ECT2L: variants seen among roughly 807,000 people sequenced by gnomAD.
ECT2L encodes the protein epithelial cell transforming 2 like.
A neutral mutation model predicts 122.8 loss-of-function variants in ECT2L; 126 were observed. The observed-to-expected ratio is 1.03, with a 90% confidence interval of 0.89 to 1.19. The LOEUF is 1.19. Ranked by LOEUF, ECT2L falls within the 50% of genes most tolerant of loss-of-function variation. The pLI is 0.00. For synonymous variants in ECT2L, 385 were observed against 381.8 expected (o/e 1.01, Z -0.10); for missense variants, 1,012 against 1,064.1 (o/e 0.95, Z 0.68).
In ECT2L at chr6:138,901,135, C is replaced by T. The variant is rs770542188; in HGVS notation, c.2587+15C>T. The T allele has an allele frequency of 1.2e-6, 2 of 1,611,962 alleles. No individual in the cohort carries two copies. The highest frequency in any genetic ancestry group is 3.3e-5 in the Admixed American group (2 of 59,844). On this transcript the variant is annotated intron_variant, in intron 21 of 21. Coordinates refer to ENST00000541398, the MANE Select transcript of ECT2L (RefSeq NM_001077706.3). ...AGATTCCAAGTGTATGTATTCTTTT[C>T]CTTCCAAGAGACAGATACCTTCAAA... is the stretch of plus-strand genomic sequence containing the variant.
At chr6:138,897,082 T>C (rs1182855267) in intron 20 of ECT2L, among the ~76,000 whole-genome samples, 1 of 152,210 alleles carries the variant, frequency 6.6e-6, no homozygotes, top group East Asian at 1.9e-4. Context: ...AGAATGTACA[T>C]TATAGTAGCT....
chr6:138,858,856 A>C (rs913862053), intron 10 of ECT2L, among the ~76,000 whole-genome samples: 4 of 151,250 alleles, frequency 2.6e-5, no homozygotes, highest in African/African-American at 7.3e-5. Flanking sequence ...CAGGCACACA[A>C]CACCATGCTT....
intron 4 of ECT2L, 46 bp from the exon 5 acceptor site, chr6:138,838,306 A>G: frequency 6.7e-7 from 1 of 1,488,346 alleles, no homozygotes; most frequent in Non-Finnish European, 9.0e-7. Context: ...CTTTTTAGTA[A>G]ATTTTAGACA....
intron 4 of ECT2L, among the ~76,000 whole-genome samples, chr6:138,831,326 CCT>C (rs1389774279): frequency 6.6e-6 from 1 of 152,212 alleles, no homozygotes. Flanking sequence ...TCATCATGCC[CCT>C]GTTTAAAAGT....
chr6:138,855,829 C>T (rs1562476947), intron 10 of ECT2L, among the ~76,000 whole-genome samples: 1 of 151,942 alleles, frequency 6.6e-6, no homozygotes, highest in African/African-American at 2.4e-5. Flanking sequence ...ACTAATATTA[C>T]TTTTATAATA....
At chr6:138,876,639 C>T in intron 14 of ECT2L, 81 bp downstream of exon 14, 1 of 789,144 alleles carries the variant, frequency 1.3e-6, no homozygotes, top group East Asian at 3.2e-5. Flanking sequence ...GTTAGTTCTT[C>T]ATTTTCCTTG....
At position 138,853,881 on chromosome 6, in the gene ECT2L, G is replaced by A. The variant is rs1334266426; in HGVS notation, c.1070-145G>A. 2.3e-5 allele frequency: 19 copies of A among 844,246 alleles called. 1 individual carries two copies. Among genetic ancestry groups the A allele is most frequent in the South Asian group, 6.5e-5 (4 of 61,788 alleles). The allele number at this position is 844,246 out of a possible 1,614,324, so 52.3% of individuals were successfully genotyped here. On this transcript the variant is annotated intron_variant, in intron 9 of 21. Transcript: ENST00000541398. ...CATGGAGATGGCTCCAACATGGTAC[G>A]GGAGGAAGCAGAGATGCCTCAGGTG...
intron 4 of ECT2L, among the ~76,000 whole-genome samples, chr6:138,817,824 T>C (rs1231677087): frequency 1.3e-5 from 2 of 152,238 alleles, no homozygotes; most frequent in East Asian, 3.8e-4. Flanking sequence ...TGGTCTTTCA[T>C]GCCTAGCAAC....
In ECT2L at chr6:138,876,573, A is replaced by C. The variant is rs767917134; in HGVS notation, c.1665+15A>C. 3 of 1,543,816 alleles carry C rather than the reference A, an allele frequency of 1.9e-6. No homozygotes were observed. The highest frequency in any genetic ancestry group is 2.7e-6 in the Non-Finnish European group (3 of 1,125,318). ...TGATTAATCTGGTAAGCTATTATAT[A>C]ATGTAACTTTACCATTGGTTTTGCT... is the stretch of plus-strand genomic sequence containing the variant. On this transcript the variant is annotated intron_variant, in intron 14 of 21. Transcript: ENST00000541398.
intron 4 of ECT2L, among the ~76,000 whole-genome samples, chr6:138,831,426 CCT>C (rs1485164286): frequency 6.6e-6 from 1 of 152,188 alleles, no homozygotes; most frequent in Non-Finnish European, 1.5e-5. Flanking sequence ...TCCCCTCTTC[CCT>C]CTTTCTCCAT....
chr6:138,800,134 C>T (rs1775491477), intron 1 of ECT2L, among the ~76,000 whole-genome samples: 1 of 152,134 alleles, frequency 6.6e-6, no homozygotes, highest in Non-Finnish European at 1.5e-5. Flanking sequence ...ACTTTAGAAG[C>T]ATTTAGGCCC....
intron 21 of ECT2L, among the ~76,000 whole-genome samples, chr6:138,901,850 A>G (rs1779406727): frequency 6.6e-6 from 1 of 152,198 alleles, no homozygotes; most frequent in Non-Finnish European, 1.5e-5. Flanking sequence ...GGAACCCAAG[A>G]CCTTACAGAA....
chr6:138,872,631 C>G (rs1217857354), intron 13 of ECT2L, among the ~76,000 whole-genome samples: 2 of 152,164 alleles, frequency 1.3e-5, no homozygotes, highest in African/African-American at 4.8e-5. Flanking sequence ...CTATGAAAAC[C>G]TGAAAAACAG....
intron 6 of ECT2L, among the ~76,000 whole-genome samples, chr6:138,843,581 G>A (rs894873145): frequency 1.3e-5 from 2 of 152,150 alleles, no homozygotes; most frequent in Non-Finnish European, 2.9e-5. Context: ...AAAAGAGGAG[G>A]AGAAATGCAA....
intron 21 of ECT2L, 138 bp downstream of exon 21, chr6:138,901,258 A>G: frequency 1.1e-6 from 1 of 894,808 alleles, no homozygotes; most frequent in Non-Finnish European, 1.7e-6. Context: ...TTAGAATTTC[A>G]TTAAACAATG....
At chr6:138,865,625 C>A (rs997071735) in intron 12 of ECT2L, among the ~76,000 whole-genome samples, 1 of 152,128 alleles carries the variant, frequency 6.6e-6, no homozygotes, top group African/African-American at 2.4e-5. Flanking sequence ...CTTTGCTGAG[C>A]CTATTAGACG....
chr6:138,868,017 A>AG, intron 12 of ECT2L, 86 bp from the exon 13 acceptor site: 1 of 800,804 alleles, frequency 1.2e-6, no homozygotes, highest in Non-Finnish European at 1.8e-6. Context: ...AAAAAAAAAA[A>AG]AAGAAACTGT....
rs544624088 is a variant in ECT2L, at chr6:138,804,996, A to T, written c.-243-7842A>T. 1.7e-4 allele frequency among the ~76,000 whole-genome samples: 26 copies of T among 152,160 alleles called. No homozygotes were observed. The South Asian group carries it at 5.4e-3, about 32-fold the overall frequency. On this transcript the variant is annotated intron_variant, in intron 1 of 21. Transcript: ENST00000541398. ...CCTCTTGTGTCCCCTCCCAATCATT[A>T]CCCTCTCTTTCCTCCCCACAGGTAA...
At chr6:138,885,400 T>A (rs1582658143) in intron 16 of ECT2L, 106 bp from the exon 17 acceptor site, 2 of 1,020,858 alleles carry the variant, frequency 2.0e-6, no homozygotes, top group East Asian at 4.8e-5. Flanking sequence ...TAGACATAGA[T>A]GTTGCCCTTT....
Sources: allele counts gnomAD v4.1 joint callset (sites outside exome capture counted in the v4.1 genomes callset), GRCh38; gene constraint gnomAD v4.1.1; transcripts MANE v1.5; gene names NCBI Gene and HGNC (gene_info 2026-07-23, HGNC 2026-07-21).